The following EXT2 variants were observed in gnomAD, a reference collection of about 807,000 sequenced individuals.
The protein encoded by EXT2 is exostosin glycosyltransferase 2, also known as exostosin-2.
A neutral mutation model predicts 81.6 loss-of-function variants in EXT2; 53 were observed. That is an observed-to-expected ratio of 0.65 (90% CI 0.52 to 0.82). The LOEUF is 0.82. Among genes scored for constraint, EXT2 ranks in the 40% least tolerant of loss-of-function variants. The pLI is 0.00. For missense variants in EXT2, 774 were observed against 910.2 expected (o/e 0.85, Z 1.93); for synonymous variants, 320 against 340.0 (o/e 0.94, Z 0.65).
At chr11:44,167,465 C>T (rs1449651763) in intron 7 of EXT2, among the ~76,000 whole-genome samples, 1 of 152,202 alleles carries the variant, frequency 6.6e-6, no homozygotes, top group Non-Finnish European at 1.5e-5. Flanking sequence ...CTCAGAAAGA[C>T]CACACTTTAA....
At chr11:44,191,256 A>C (rs1955387977) in intron 8 of EXT2, among the ~76,000 whole-genome samples, 1 of 152,226 alleles carries the variant, frequency 6.6e-6, no homozygotes, top group South Asian at 2.1e-4. Context: ...AGTGAGAAGT[A>C]AACGGTGGGA....
chr11:44,144,220 A>T lies in EXT2; in HGVS notation c.1173+14082A>T, dbSNP rs778431245. On this transcript the variant is annotated intron_variant, in intron 7 of 13. Transcript: ENST00000533608. ...TATTTATTTTTGATGACACATCTTG[A>T]TTAAAGGTTTCCAATTCACCTTTCA... The T allele has an allele frequency of 7.6e-6, 12 of 1,579,160 alleles. No individual in the cohort carries two copies. In the South Asian group the frequency reaches 1.2e-4, roughly 16 times the overall value.
intron 10 of EXT2, among the ~76,000 whole-genome samples, chr11:44,229,266 A>G (rs1416751163): frequency 6.6e-6 from 1 of 152,212 alleles, no homozygotes; most frequent in Non-Finnish European, 1.5e-5. Context: ...GGGCTCTATA[A>G]AACTGTAATA....
At chr11:44,140,469 G>A (rs1280968468) in intron 7 of EXT2, among the ~76,000 whole-genome samples, 1 of 152,138 alleles carries the variant, frequency 6.6e-6, no homozygotes, top group Admixed American at 6.5e-5. Context: ...GGCTGCTCCT[G>A]CCTCTATCCT....
intron 8 of EXT2, among the ~76,000 whole-genome samples, chr11:44,175,169 ATT>A (rs1955141093): frequency 6.6e-6 from 1 of 152,176 alleles, no homozygotes; most frequent in Non-Finnish European, 1.5e-5. Context: ...GCAGATGAAA[ATT>A]AATAGAGGAC....
chr11:44,103,101 T>C (rs1304610657), intron 1 of EXT2, among the ~76,000 whole-genome samples: 1 of 152,190 alleles, frequency 6.6e-6, no homozygotes, highest in African/African-American at 2.4e-5. Context: ...TTCTCTATTG[T>C]GTTCTAAATA....
chr11:44,145,624 CTAT>C (rs1292126106), intron 7 of EXT2, among the ~76,000 whole-genome samples: 1 of 152,040 alleles, frequency 6.6e-6, no homozygotes, highest in Non-Finnish European at 1.5e-5. Flanking sequence ...GATGAGGTAG[CTAT>C]TATTCTTATT....
chr11:44,134,226 A>G (rs543742464), intron 7 of EXT2, among the ~76,000 whole-genome samples: 3 of 152,292 alleles, frequency 2.0e-5, no homozygotes, highest in Admixed American at 6.5e-5. Context: ...TTGGCCTTTT[A>G]TTGTCCTGTG....
At chr11:44,121,480 C>T (rs74363482) in intron 4 of EXT2, among the ~76,000 whole-genome samples, 1,771 of 152,192 alleles carry the variant, frequency 0.012, 43 homozygotes, top group African/African-American at 0.04. Flanking sequence ...ATTTGTAACT[C>T]CCTTCTCTGA....
rs942607704 is a variant in EXT2 at position 44,236,433 on chromosome 11, A to G, written c.2018+58A>G. ...GCCTCTGATCTCTATTTCCTGCCTT[A>G]GGCCTGTTTATGGGGCTTTGTTGGA... On this transcript the variant is annotated intron_variant, in intron 13 of 13. Coordinates refer to ENST00000533608, the MANE Select transcript of EXT2 (RefSeq NM_207122.2). The G allele has an allele frequency of 7.3e-6, 11 of 1,516,968 alleles. No individual in the cohort carries two copies. In the Admixed American group the frequency reaches 1.5e-4, roughly 21 times the overall value. The allele number at this position is 1,516,968 out of a possible 1,614,324, so 94.0% of individuals were successfully genotyped here. A position where few individuals can be genotyped will look rare whatever the true frequency, so the allele number is the denominator to read the frequency against.
chr11:44,106,583 T>C (rs1444166050), intron 1 of EXT2, among the ~76,000 whole-genome samples: 2 of 152,234 alleles, frequency 1.3e-5, no homozygotes, highest in Non-Finnish European at 2.9e-5. Context: ...TTCTTCACAG[T>C]ACATGATGGG....
At chr11:44,119,518 T>C (rs1954286176) in intron 4 of EXT2, among the ~76,000 whole-genome samples, 1 of 152,166 alleles carries the variant, frequency 6.6e-6, no homozygotes, top group Non-Finnish European at 1.5e-5. Context: ...ACCCAGGACC[T>C]TTCTTAGGAG....
chr11:44,149,980 T>C (rs1216253888), intron 7 of EXT2, among the ~76,000 whole-genome samples: 2 of 152,206 alleles, frequency 1.3e-5, no homozygotes, highest in African/African-American at 2.4e-5. Context: ...ACTTTTTATA[T>C]GTGGATGGGG....
intron 7 of EXT2, among the ~76,000 whole-genome samples, chr11:44,147,513 A>T (rs1173655985): frequency 1.3e-5 from 2 of 152,188 alleles, no homozygotes; most frequent in African/African-American, 4.8e-5. Flanking sequence ...GCCATATTAT[A>T]TGCATTAATT....
intron 8 of EXT2, among the ~76,000 whole-genome samples, chr11:44,188,490 C>G (rs1955347481): frequency 6.6e-6 from 1 of 152,076 alleles, no homozygotes; most frequent in South Asian, 2.1e-4. Context: ...TCCAAATAAG[C>G]CTTATGAAGG....
intron 4 of EXT2, among the ~76,000 whole-genome samples, chr11:44,123,981 G>A (rs1463267279): frequency 6.8e-6 from 1 of 146,430 alleles, no homozygotes; most frequent in Non-Finnish European, 1.5e-5. Flanking sequence ...TTCCCATCTG[G>A]TCTCTCCAAA....
intron 7 of EXT2, among the ~76,000 whole-genome samples, chr11:44,170,249 A>G (rs1955052174): frequency 6.6e-6 from 1 of 152,208 alleles, no homozygotes; most frequent in South Asian, 2.1e-4. Flanking sequence ...TAAACAATAT[A>G]CAAAGGAAAT....
At chr11:44,143,533 T>C (rs1459003524) in intron 7 of EXT2, among the ~76,000 whole-genome samples, 2 of 152,176 alleles carry the variant, frequency 1.3e-5, no homozygotes, top group African/African-American at 2.4e-5. Flanking sequence ...GGAGAAAAAG[T>C]GAGAGCCACT....
At chr11:44,190,059 T>C (rs1385117778) in intron 8 of EXT2, among the ~76,000 whole-genome samples, 1 of 152,208 alleles carries the variant, frequency 6.6e-6, no homozygotes, top group Non-Finnish European at 1.5e-5. Flanking sequence ...ACCACCCTTA[T>C]GCACGTTAGT....
Sources: gnomAD v4.1 joint callset for allele counts (sites outside exome capture counted in the v4.1 genomes callset) on GRCh38, gnomAD v4.1.1 for gene constraint, MANE v1.5 for transcripts, NCBI Gene and HGNC (gene_info 2026-07-23, HGNC 2026-07-21) for gene names.